TPTE2: variants seen among roughly 807,000 people sequenced by gnomAD.
TPTE2 encodes the protein phosphatidylinositol 3,4,5-trisphosphate 3-phosphatase TPTE2.
In TPTE2, 53 loss-of-function variants were observed where a neutral mutation model predicts 78.6. The ratio of observed to expected loss-of-function variants is 0.67; its 90% CI spans 0.54 to 0.85. TPTE2 has a LOEUF of 0.85. Among genes scored for constraint, TPTE2 ranks in the 40% least tolerant of loss-of-function variants. The pLI is 0.00. For missense variants in TPTE2, 461 were observed against 623.0 expected, an observed-to-expected ratio of 0.74 and a Z score of 2.77; for synonymous variants, 175 against 206.2, an observed-to-expected ratio of 0.85 and a Z score of 1.30.
intron 1 of TPTE2, among the ~76,000 whole-genome samples, chr13:19,501,554 G>T (rs1364082435): frequency 2.7e-5 from 4 of 150,580 alleles, no homozygotes; most frequent in South Asian, 4.3e-4. Flanking sequence ...AATGGGGAAA[G>T]GATTCCCTAT....
At chr13:19,507,294 C>A (rs1869127343), upstream of TPTE2, among the ~76,000 whole-genome samples, 1 of 107,560 alleles carries the variant, frequency 9.3e-6, no homozygotes. Context: ...AACTAATAAA[C>A]TAGCTGTTCT....
intron 4 of TPTE2, among the ~76,000 whole-genome samples, chr13:19,481,450 C>A (rs1880352014): frequency 6.6e-6 from 1 of 152,190 alleles, no homozygotes; most frequent in African/African-American, 2.4e-5. Flanking sequence ...AAGCCAAGCA[C>A]TGATTCCAGC....
chr13:19,472,449 C>G (rs888044583), intron 6 of TPTE2, among the ~76,000 whole-genome samples: 2 of 152,194 alleles, frequency 1.3e-5, no homozygotes, highest in African/African-American at 4.8e-5. Flanking sequence ...TTAAAAGACT[C>G]TAATGCATTC....
intron 1 of TPTE2, among the ~76,000 whole-genome samples, chr13:19,502,656 G>C (rs1470690883): frequency 2.7e-5 from 4 of 147,586 alleles, no homozygotes; most frequent in African/African-American, 7.5e-5. Context: ...TGTGGGGTAG[G>C]GGGAGGGGGG....
At chr13:19,424,153 A>G (rs1875826415) in intron 19 of TPTE2, among the ~76,000 whole-genome samples, 1 of 152,228 alleles carries the variant, frequency 6.6e-6, no homozygotes, top group Non-Finnish European at 1.5e-5. Context: ...CTATCAATTC[A>G]TGCCACATAT....
At chr13:19,450,550 T>C (rs1878112722) in intron 11 of TPTE2, among the ~76,000 whole-genome samples, 1 of 152,146 alleles carries the variant, frequency 6.6e-6, no homozygotes, top group African/African-American at 2.4e-5. Context: ...TAACCTAAAC[T>C]CAACTTATTT....
chr13:19,523,344 C>T (rs774887038), intron 1 of TPTE2, among the ~76,000 whole-genome samples: 2 of 152,034 alleles, frequency 1.3e-5, no homozygotes, highest in South Asian at 2.1e-4. Context: ...TTGCAGCAAG[C>T]CTTTGGATAT....
chr13:19,491,874 C>T (rs1441364433), intron 3 of TPTE2, among the ~76,000 whole-genome samples: 1 of 152,092 alleles, frequency 6.6e-6, no homozygotes, highest in Non-Finnish European at 1.5e-5. Flanking sequence ...ATGCGTCCAA[C>T]GTCCTATAAA....
At chr13:19,427,667 G>T (rs1229179733) in intron 17 of TPTE2, among the ~76,000 whole-genome samples, 1 of 152,108 alleles carries the variant, frequency 6.6e-6, no homozygotes, top group African/African-American at 2.4e-5. Context: ...GGGGGAGAGT[G>T]GGGTCCCCCT....
At position 19,436,308 on chromosome 13, in the gene TPTE2, T is replaced by C; in HGVS notation, c.1036-2A>G. The C allele has an allele frequency of 1.2e-6, 2 of 1,611,434 alleles. No homozygotes were observed. Among genetic ancestry groups the C allele is most frequent in the Non-Finnish European group, 1.7e-6 (2 of 1,178,756 alleles). Reference sequence around the variant, plus strand: ...TTCTCCAAAATAATATAGGCTTTCCTACAAAAAAGGGTACAATCCAACCAT... The same window carrying C: ...TTCTCCAAAATAATATAGGCTTTCCCACAAAAAAGGGTACAATCCAACCAT... On this transcript the variant is annotated splice_acceptor_variant, in intron 14 of 19. Transcript: ENST00000400230. LOFTEE classifies it high-confidence loss of function.
At chr13:19,485,344 GTT>G (rs969544689) in intron 3 of TPTE2, among the ~76,000 whole-genome samples, 1 of 149,698 alleles carries the variant, frequency 6.7e-6, no homozygotes, top group African/African-American at 2.5e-5. Flanking sequence ...TCAGCTGAAA[GTT>G]TTTTTTTTCT....
intron 10 of TPTE2, among the ~76,000 whole-genome samples, chr13:19,453,583 T>C (rs1396709143): frequency 7.0e-6 from 1 of 143,496 alleles, no homozygotes; most frequent in Non-Finnish European, 1.5e-5. Flanking sequence ...ACCATTTAGA[T>C]GATTTACTGC....
At chr13:19,454,484 G>A (rs1259955949) in intron 10 of TPTE2, among the ~76,000 whole-genome samples, 1 of 152,174 alleles carries the variant, frequency 6.6e-6, no homozygotes, top group Non-Finnish European at 1.5e-5. Context: ...CCAGGTAGCT[G>A]AACTAGTAGC....
At chr13:19,450,875 G>A (rs1326551586) in intron 11 of TPTE2, among the ~76,000 whole-genome samples, 5 of 152,102 alleles carry the variant, frequency 3.3e-5, no homozygotes, top group Non-Finnish European at 5.9e-5. Context: ...AGGAAAAACA[G>A]AAAGATTTTC....
the TPTE2 span, among the ~76,000 whole-genome samples, chr13:19,559,476 G>A: frequency 6.6e-6 from 1 of 151,052 alleles, no homozygotes; most frequent in Non-Finnish European, 1.5e-5. Flanking sequence ...GGAGCTGATG[G>A]GGAAGCCCTG....
At chr13:19,521,095 A>T (rs958671536) in intron 1 of TPTE2, among the ~76,000 whole-genome samples, 2 of 151,990 alleles carry the variant, frequency 1.3e-5, no homozygotes, top group Non-Finnish European at 2.9e-5. Context: ...AATGCTATAG[A>T]TATCTGTTAA....
intron 1 of TPTE2, among the ~76,000 whole-genome samples, chr13:19,519,539 TTTTTCCACTCAA>T (rs1452982986): frequency 6.6e-6 from 1 of 152,176 alleles, no homozygotes; most frequent in Non-Finnish European, 1.5e-5. Flanking sequence ...AAGAGACTGT[TTTTTCCACTCAA>T]TAGTCTTGGT....
At chr13:19,438,194 T>C in intron 13 of TPTE2, 41 bp from the exon 17 acceptor site, 5 of 1,589,498 alleles carry the variant, frequency 3.1e-6, no homozygotes, top group East Asian at 2.3e-5. Context: ...ATACATGGTA[T>C]AAAAATACAC....
intron 4 of TPTE2, among the ~76,000 whole-genome samples, chr13:19,481,887 AAAG>A (rs1880379288): frequency 6.6e-6 from 1 of 152,126 alleles, no homozygotes; most frequent in South Asian, 2.1e-4. Context: ...ACTGGGCAAG[AAAG>A]AAGCAGAAGA....
Sources: allele counts gnomAD v4.1 joint callset (sites outside exome capture counted in the v4.1 genomes callset), GRCh38; gene constraint gnomAD v4.1.1; transcripts MANE v1.5; gene names NCBI Gene and HGNC (gene_info 2026-07-23, HGNC 2026-07-21).